Variants in KIF21A observed in about 807,000 individuals in gnomAD.
The protein encoded by KIF21A is kinesin-like protein KIF21A.
In KIF21A, 114 loss-of-function variants were observed where a neutral mutation model predicts 202.9. The observed-to-expected ratio is 0.56, with a 90% CI of 0.48 to 0.66. The LOEUF is 0.66. KIF21A is among the 30% of genes least tolerant of loss of function. The pLI, the probability that KIF21A is intolerant of heterozygous loss-of-function variation, is 0.00. For synonymous variants in KIF21A, 667 were observed against 670.8 expected (o/e 0.99, Z 0.09); for missense variants, 1,677 against 1,994.9 (o/e 0.84, Z 3.04).
At position 39,384,526 on chromosome 12, in the gene KIF21A, G is replaced by A. The variant is rs950943942; in HGVS notation, c.45-14265C>T. On this transcript the variant is annotated intron_variant, in intron 1 of 37. Transcript: ENST00000361418. Reference sequence around the variant, plus strand: ...ATTCTTGGACAAGGCTGCTCCAAATGTTGGCAGCCACATCCATGAAGAATG... The same window carrying A: ...ATTCTTGGACAAGGCTGCTCCAAATATTGGCAGCCACATCCATGAAGAATG... Among the ~76,000 whole-genome samples the A allele has an allele frequency of 4.6e-5, 7 of 152,312 alleles. No individual in the cohort carries two copies. In the East Asian group the frequency reaches 9.6e-4, roughly 21 times the overall value.
chr12:39,389,726 C>A (rs1293749161), intron 1 of KIF21A, among the ~76,000 whole-genome samples: 6 of 152,134 alleles, frequency 3.9e-5, no homozygotes, highest in Non-Finnish European at 7.3e-5. Context: ...TATCCTTATC[C>A]ATTACTCTTT....
At chr12:39,439,327 T>C (rs1939248518) in intron 1 of KIF21A, among the ~76,000 whole-genome samples, 1 of 152,226 alleles carries the variant, frequency 6.6e-6, no homozygotes, top group Non-Finnish European at 1.5e-5. Flanking sequence ...TTAATTTTAA[T>C]TATATTTTAT....
chr12:39,401,577 A>G (rs529515889), intron 1 of KIF21A, among the ~76,000 whole-genome samples: 6 of 152,210 alleles, frequency 3.9e-5, no homozygotes, highest in Non-Finnish European at 7.3e-5. Flanking sequence ...GATTCTACAG[A>G]TACTTACTGA....
rs565185674 is a variant in KIF21A at position 39,415,589 on chromosome 12, G to T, written c.44+27338C>A. ...CTTCTTTAAAACATAAATGATTTTA[G>T]CTCCCTTATGTCTGAGAAGCTTTCC... On this transcript the variant is annotated intron_variant, in intron 1 of 37. Coordinates refer to ENST00000361418, the MANE Select transcript of KIF21A (RefSeq NM_001173464.2). Among the ~76,000 whole-genome samples, 4 of 152,216 alleles carry T rather than the reference G, an allele frequency of 2.6e-5. No homozygotes were observed. In the East Asian group the frequency reaches 7.7e-4, roughly 29 times the overall value.
intron 16 of KIF21A, among the ~76,000 whole-genome samples, chr12:39,339,153 C>T (rs1390183962): frequency 2.0e-5 from 3 of 150,748 alleles, no homozygotes; most frequent in South Asian, 2.1e-4. Flanking sequence ...GTGGTGTGCA[C>T]CTATAGTCCC....
At chr12:39,310,068 A>G (rs1592065536) in intron 32 of KIF21A, among the ~76,000 whole-genome samples, 1 of 152,168 alleles carries the variant, frequency 6.6e-6, no homozygotes, top group Non-Finnish European at 1.5e-5. Flanking sequence ...ATTGCCACTG[A>G]ATTTAGAATG....
intron 1 of KIF21A, among the ~76,000 whole-genome samples, chr12:39,386,862 G>A (rs1255170617): frequency 6.6e-6 from 1 of 152,018 alleles, no homozygotes; most frequent in African/African-American, 2.4e-5. Context: ...AAAGCAAGAG[G>A]TTCAGAAGAC....
chr12:39,348,304 C>T (rs1483251196), intron 11 of KIF21A, among the ~76,000 whole-genome samples: 1 of 152,108 alleles, frequency 6.6e-6, no homozygotes, highest in East Asian at 1.9e-4. Context: ...GCCAACCATT[C>T]TAACATTTGT....
At chr12:39,371,207 C>T (rs1057132258) in intron 1 of KIF21A, among the ~76,000 whole-genome samples, 12 of 151,862 alleles carry the variant, frequency 7.9e-5, no homozygotes, top group South Asian at 4.2e-4. Flanking sequence ...GTTGTGGAAC[C>T]CCTGAATATG....
chr12:39,311,364 AT>A (rs371698345), intron 32 of KIF21A, 52 bp downstream of exon 32: 631 of 1,482,980 alleles, frequency 4.3e-4, no homozygotes, highest in African/African-American at 1.5e-3. Context: ...TAAAAATGTA[AT>A]TTTTTTTAAA....
chr12:39,315,763 T>G (rs2137508203), intron 30 of KIF21A, 169 bp downstream of exon 30: 1 of 705,808 alleles, frequency 1.4e-6, no homozygotes. Context: ...CTAAAAGGTA[T>G]GACCACAAAA....
intron 1 of KIF21A, among the ~76,000 whole-genome samples, chr12:39,411,901 C>G (rs1265399816): frequency 1.3e-5 from 2 of 152,112 alleles, no homozygotes; most frequent in Non-Finnish European, 2.9e-5. Flanking sequence ...TTGCCACAAT[C>G]TCAGCTCACT....
Position 39,357,231 on chromosome 12 carries a change from C to T in KIF21A, c.1405+17G>A, listed in dbSNP as rs749642162. 6.2e-7 allele frequency: 1 copy of T among 1,612,512 alleles called. No homozygotes were observed. Among genetic ancestry groups the T allele is most frequent in the Non-Finnish European group, 8.5e-7 (1 of 1,178,568 alleles). On this transcript the variant is annotated intron_variant, in intron 9 of 37. Transcript: ENST00000361418. ...TCCAGAAGTTAATCCCTCACTTATC[C>T]CACCCTACCCACATACCTGCTCTGG...
chr12:39,315,876 G>T (rs757576781), intron 30 of KIF21A, 56 bp downstream of exon 30: 1 of 1,271,626 alleles, frequency 7.9e-7, no homozygotes, highest in Admixed American at 1.7e-5. Flanking sequence ...TTCTAGGAAG[G>T]CACTTTAGAA....
rs116211693 is a variant in KIF21A, at chr12:39,295,847, G to A, written c.4932-1330C>T. Among the ~76,000 whole-genome samples, 987 of 150,804 alleles carry A rather than the reference G, an allele frequency of 6.5e-3. 8 individuals carry two copies. Among genetic ancestry groups the A allele is most frequent in the African/African-American group, 0.023 (949 of 41,086 alleles). ...CTCCCAAGCAGCTGGGAAAACAAGCGCATGCCACTATGCCTAGCTAATTTT... is the reference window on the plus strand; with the variant it reads ...CTCCCAAGCAGCTGGGAAAACAAGCACATGCCACTATGCCTAGCTAATTTT... On this transcript the variant is annotated intron_variant, in intron 37 of 37. Transcript: ENST00000361418.
chr12:39,320,173 G>A (rs1436242023), intron 27 of KIF21A, among the ~76,000 whole-genome samples, 160 bp from the exon 28 acceptor site: 1 of 152,044 alleles, frequency 6.6e-6, no homozygotes, highest in Non-Finnish European at 1.5e-5. Flanking sequence ...AATACTACAT[G>A]AGTTATATTT....
intron 10 of KIF21A, among the ~76,000 whole-genome samples, chr12:39,355,098 G>T (rs1433550255): frequency 6.6e-6 from 1 of 152,148 alleles, no homozygotes; most frequent in Non-Finnish European, 1.5e-5. Context: ...AGAGCCATCA[G>T]AGACAAGTTG....
chr12:39,366,323 A>G, intron 6 of KIF21A, 27 bp downstream of exon 6: 1 of 1,599,916 alleles, frequency 6.3e-7, no homozygotes, highest in Non-Finnish European at 8.6e-7. Context: ...GCTCTGATAT[A>G]TTCTCAGCAC....
chr12:39,305,044 C>CTT, intron 34 of KIF21A, 106 bp from the exon 35 acceptor site: 10 of 647,370 alleles, frequency 1.5e-5, no homozygotes, highest in East Asian at 3.0e-5. Context: ...AATTCACTAA[C>CTT]TTTTTTTTTT....
Sources: allele counts gnomAD v4.1 joint callset (sites outside exome capture counted in the v4.1 genomes callset), GRCh38; gene constraint gnomAD v4.1.1; transcripts MANE v1.5; gene names NCBI Gene and HGNC (gene_info 2026-07-23, HGNC 2026-07-21).